Variants in HECTD4 observed in about 807,000 individuals in gnomAD.
HECTD4 encodes HECT domain E3 ubiquitin protein ligase 4, also known as probable E3 ubiquitin-protein ligase HECTD4.
In HECTD4, 114 loss-of-function variants were observed where a neutral mutation model predicts 471.5. The ratio of observed to expected loss-of-function variants is 0.24; its 90% CI spans 0.21 to 0.28. The LOEUF is 0.28. Among genes scored for constraint, HECTD4 ranks in the 10% least tolerant of loss-of-function variants. HECTD4 has a pLI of 1.00. For synonymous variants in HECTD4, 2,012 were observed against 2,256.0 expected (o/e 0.89, Z 3.07); for missense variants, 3,866 against 5,651.5 (o/e 0.68, Z 10.13).
chr12:112,247,977 TACAC>T (rs59881558), intron 27 of HECTD4, 86 bp downstream of exon 27: 1,249 of 673,036 alleles, frequency 1.9e-3, no homozygotes, highest in South Asian at 0.013. Context: ...TTATTTTACC[TACAC>T]ACACACACAC....
intron 44 of HECTD4, among the ~76,000 whole-genome samples, chr12:112,224,374 C>G (rs548923559): frequency 1.3e-5 from 2 of 151,736 alleles, no homozygotes; most frequent in Non-Finnish European, 2.9e-5. Context: ...TCACGCCATT[C>G]TCCTGCCTCA....
At chr12:112,380,841 A>G (rs1313047631) in intron 1 of HECTD4, among the ~76,000 whole-genome samples, 1 of 152,204 alleles carries the variant, frequency 6.6e-6, no homozygotes, top group Non-Finnish European at 1.5e-5. Context: ...AACACACAGT[A>G]ATGGCTTTTA....
chr12:112,224,028 T>C (rs948143542), intron 44 of HECTD4, among the ~76,000 whole-genome samples: 1 of 152,014 alleles, frequency 6.6e-6, no homozygotes, highest in Non-Finnish European at 1.5e-5. Flanking sequence ...ATCAAATAAC[T>C]CTGTCTTTTC....
intron 7 of HECTD4, chr12:112,302,399 GT>G: frequency 1.3e-6 from 1 of 754,518 alleles, no homozygotes. Flanking sequence ...TTGAGTAACT[GT>G]TTGGCAGTTC....
intron 66 of HECTD4, among the ~76,000 whole-genome samples, chr12:112,174,675 C>T (rs904053668): frequency 1.3e-5 from 2 of 152,186 alleles, no homozygotes; most frequent in Non-Finnish European, 2.9e-5. Context: ...AGCGATTGTC[C>T]TGCCTCAGCC....
chr12:112,350,194 G>A (rs150415182), intron 1 of HECTD4, among the ~76,000 whole-genome samples: 7 of 152,062 alleles, frequency 4.6e-5, no homozygotes, highest in African/African-American at 1.4e-4. Context: ...AAGTCATCTC[G>A]TGCCTTGGCC....
At position 112,279,290 on chromosome 12, in the gene HECTD4, C is replaced by G; in HGVS notation, c.1625G>C (p.Gly542Ala). 1 of 1,612,780 alleles carries G rather than the reference C, an allele frequency of 6.2e-7. No individual in the cohort carries two copies. The highest frequency in any genetic ancestry group is 8.5e-7 in the Non-Finnish European group (1 of 1,179,586). Residue 542 changes from glycine to alanine, a missense_variant, in exon 9 of 76, where the codon GGA becomes GCA. Gly to Ala is a moderately conservative substitution (Grantham distance 60, BLOSUM62 0). Coordinates refer to ENST00000682272, the MANE Select transcript of HECTD4 (RefSeq NM_001388303.1). ...AGATCGGGTGGCAGAGCTGCCTGATCCCCCTGGAGGAGGCACCAGCATCAC... is the reference window on the plus strand; with the variant it reads ...AGATCGGGTGGCAGAGCTGCCTGATGCCCCTGGAGGAGGCACCAGCATCAC... Reference protein sequence around the residue: ...YLVMLVPPPGGSGSSATRSLF... With the variant: ...YLVMLVPPPGASGSSATRSLF...
At chr12:112,210,832 C>A (rs2032741639) in intron 49 of HECTD4, among the ~76,000 whole-genome samples, 3 of 152,202 alleles carry the variant, frequency 2.0e-5, no homozygotes, top group Non-Finnish European at 2.9e-5. Context: ...AGACAGAGAT[C>A]ATATCTGTTT....
At chr12:112,180,074 C>T (rs536320827) in intron 62 of HECTD4, among the ~76,000 whole-genome samples, 8 of 152,326 alleles carry the variant, frequency 5.3e-5, no homozygotes, top group East Asian at 3.9e-4. Flanking sequence ...GGAATCACTC[C>T]GTTCTCCCAG....
intron 19 of HECTD4, chr12:112,258,820 G>A (rs1459360285): frequency 1.8e-6 from 1 of 557,556 alleles, no homozygotes; most frequent in Non-Finnish European, 3.1e-6. Context: ...CAAGGACTCA[G>A]GAGACAAACT....
Position 112,231,496 on chromosome 12 carries a change from A to T in HECTD4, c.6200+17T>A, listed in dbSNP as rs1383606661. 3 of 1,611,374 alleles carry T rather than the reference A, an allele frequency of 1.9e-6. No homozygotes were observed. The highest frequency in any genetic ancestry group is 2.5e-6 in the Non-Finnish European group (3 of 1,177,630). On this transcript the variant is annotated intron_variant, in intron 39 of 75. Transcript: ENST00000682272. ...CCTGAGATGAGTGTGGACAGCTCCT[A>T]CCTGTGGAAGGTTTACCTTGCAAGC...
At chr12:112,339,680 TAAATAC>T (rs1358821209) in intron 1 of HECTD4, among the ~76,000 whole-genome samples, 3 of 152,184 alleles carry the variant, frequency 2.0e-5, no homozygotes, top group Non-Finnish European at 4.4e-5. Context: ...TCAGACCTTT[TAAATAC>T]AGACAGTCCC....
intron 18 of HECTD4, among the ~76,000 whole-genome samples, chr12:112,260,631 C>T (rs2135599925): frequency 6.6e-6 from 1 of 151,380 alleles, no homozygotes; most frequent in Non-Finnish European, 1.5e-5. Flanking sequence ...GGCTGGAGTG[C>T]AGTGGGATGA....
Position 112,358,749 on chromosome 12 carries a change from A to G in HECTD4, c.177+23203T>C, listed in dbSNP as rs534520590. On this transcript the variant is annotated intron_variant, in intron 1 of 75. Coordinates refer to ENST00000682272, the MANE Select transcript of HECTD4 (RefSeq NM_001388303.1). ...AGATACTGTTTCTCAGTTGTAAATA[A>G]TGCCAGAAAAACTCATAAGGCTACA... Among the ~76,000 whole-genome samples, 5 of 152,330 alleles carry G rather than the reference A, an allele frequency of 3.3e-5. No individual in the cohort carries two copies. In the South Asian group the frequency reaches 1.0e-3, roughly 32 times the overall value.
At chr12:112,340,813 T>C (rs2036041566) in intron 1 of HECTD4, among the ~76,000 whole-genome samples, 1 of 152,212 alleles carries the variant, frequency 6.6e-6, no homozygotes, top group Non-Finnish European at 1.5e-5. Context: ...ATTCTATTCA[T>C]GTGCCGAATT....
In HECTD4 at chr12:112,176,596, C is replaced by T; in HGVS notation, c.11470G>A (p.Val3824Ile). Reference protein sequence around the residue: ...PEKSPTKKQEVPEEKYLTLEG... With the variant: ...PEKSPTKKQEIPEEKYLTLEG... The stretch of plus-strand genomic sequence containing the variant: ...CTCCAGGCCCCGTCTGCTCATTCAC[C>T]TTCTTGTTTTTTGGTAGGTGACTTT... The change falls in exon 65 of 76, where the codon GTC (valine) becomes ATC (isoleucine). Residue 3824 changes from valine (V) to isoleucine (I), a missense_variant and splice_region_variant. Transcript: ENST00000682272. 4 of 1,609,856 alleles carry T rather than the reference C, an allele frequency of 2.5e-6. No homozygotes were observed. The South Asian group carries it at 3.3e-5, about 13-fold the overall frequency.
chr12:112,312,311 G>T (rs1304913342), intron 4 of HECTD4, among the ~76,000 whole-genome samples: 2 of 152,218 alleles, frequency 1.3e-5, no homozygotes, highest in East Asian at 3.9e-4. Context: ...TAACAAACTG[G>T]TTTGGGAGCA....
chr12:112,344,916 C>T (rs2036120378), intron 1 of HECTD4, among the ~76,000 whole-genome samples: 1 of 150,858 alleles, frequency 6.6e-6, no homozygotes, highest in Non-Finnish European at 1.5e-5. Flanking sequence ...GAAACTCCGT[C>T]TCAAAAAAAG....
rs556343212 is a variant in HECTD4 at position 112,272,109 on chromosome 12, C to T, written c.1942+1546G>A. 1.6e-3 allele frequency among the ~76,000 whole-genome samples: 242 copies of T among 152,224 alleles called. 7 individuals are homozygous for T. In the South Asian group the frequency reaches 0.046, roughly 29 times the overall value. ...TGTTGCCCAGGCTGGGGTGCAATGG[C>T]ATGATCTCAGCTCACTGCAACCTCA... On this transcript the variant is annotated intron_variant, in intron 11 of 75. Transcript: ENST00000682272.
Sources: allele counts gnomAD v4.1 joint callset (sites outside exome capture counted in the v4.1 genomes callset), GRCh38; gene constraint gnomAD v4.1.1; transcripts MANE v1.5; gene names NCBI Gene and HGNC (gene_info 2026-07-23, HGNC 2026-07-21).